The following ANK2 variants were observed in gnomAD, a reference collection of about 807,000 sequenced individuals.
ANK2 encodes ankyrin-2.
Under a neutral mutation model 360.5 loss-of-function variants are expected in ANK2, and 83 were observed. The ratio of observed to expected loss-of-function variants is 0.23; its 90% CI spans 0.19 to 0.28. The LOEUF (loss-of-function observed/expected upper bound fraction) is 0.28, where lower values mean the gene tolerates loss of function less well. Among genes scored for constraint, ANK2 ranks in the 10% least tolerant of loss-of-function variants. The pLI is 1.00. For synonymous variants in ANK2, 1,740 were observed against 1,759.5 expected (o/e 0.99, Z 0.28); for missense variants, 4,201 against 4,795.7 (o/e 0.88, Z 3.66).
At chr4:112,732,675 A>G in the ANK2 span, among the ~76,000 whole-genome samples, 4 of 152,198 alleles carry the variant, frequency 2.6e-5, no homozygotes, top group African/African-American at 7.2e-5. Context: ...CTAGCCTCAC[A>G]ATTGAGTGTT....
intron 2 of ANK2, among the ~76,000 whole-genome samples, chr4:113,192,926 A>ATTTT (rs755752642): frequency 7.3e-6 from 1 of 137,756 alleles, no homozygotes; most frequent in African/African-American, 2.5e-5. Context: ...GCATTATTTA[A>ATTTT]AAAAAAAAAA....
intron 2 of ANK2, among the ~76,000 whole-genome samples, chr4:113,183,131 A>G (rs2098449981): frequency 6.6e-6 from 1 of 151,788 alleles, no homozygotes; most frequent in Non-Finnish European, 1.5e-5. Flanking sequence ...CCGTGCTGGG[A>G]GCTGGTTGTG....
chr4:113,168,093 A>C (rs547102421), intron 1 of ANK2, among the ~76,000 whole-genome samples: 2 of 152,112 alleles, frequency 1.3e-5, no homozygotes, highest in African/African-American at 2.4e-5. Flanking sequence ...GGTGGTTCTT[A>C]TTTTTCATGG....
At chr4:112,761,134 C>G in the ANK2 span, among the ~76,000 whole-genome samples, 2 of 151,848 alleles carry the variant, frequency 1.3e-5, no homozygotes, top group Non-Finnish European at 2.9e-5. Context: ...AAAGTAAACA[C>G]GTGCATTTTT....
the ANK2 span, among the ~76,000 whole-genome samples, chr4:112,795,470 A>T: frequency 1.6e-4 from 25 of 151,992 alleles, no homozygotes; most frequent in Admixed American, 1.6e-3. Flanking sequence ...AAATGTCAAG[A>T]TCCAGGTACA....
chr4:113,047,471 G>A (rs531199136), upstream of ANK2, among the ~76,000 whole-genome samples: 21 of 152,232 alleles, frequency 1.4e-4, no homozygotes, highest in East Asian at 1.9e-3. Flanking sequence ...AATATTTATC[G>A]AGTAACTGAA....
chr4:112,767,786 AC>A, the ANK2 span, among the ~76,000 whole-genome samples: 1 of 135,406 alleles, frequency 7.4e-6, no homozygotes, highest in East Asian at 2.3e-4. Context: ...TTTAGCAGAT[AC>A]CAAGAGAAAC....
At chr4:112,727,977 C>G in the ANK2 span, among the ~76,000 whole-genome samples, 1 of 150,012 alleles carries the variant, frequency 6.7e-6, no homozygotes, top group African/African-American at 2.5e-5. Flanking sequence ...AACTCTGTCT[C>G]AAAAGAAAAC....
At chr4:113,266,427 T>C (rs1406051737) in intron 14 of ANK2, among the ~76,000 whole-genome samples, 1 of 152,258 alleles carries the variant, frequency 6.6e-6, no homozygotes, top group Non-Finnish European at 1.5e-5. Flanking sequence ...TGTGTGCATG[T>C]GTCTTTATAG....
intron 41 of ANK2, among the ~76,000 whole-genome samples, chr4:113,365,975 A>C (rs754584996): frequency 4.5e-4 from 68 of 152,188 alleles, no homozygotes; most frequent in Admixed American, 8.5e-4. Flanking sequence ...TTACTCAATC[A>C]GGGACTCCAT....
At chr4:113,380,525 G>T (rs1441482174) in intron 45 of ANK2, among the ~76,000 whole-genome samples, 2 of 152,136 alleles carry the variant, frequency 1.3e-5, no homozygotes, top group Non-Finnish European at 2.9e-5. Flanking sequence ...AGCTGGGTGT[G>T]GTGGCACACA....
chr4:113,273,463 T>A (rs1305943307), intron 14 of ANK2, among the ~76,000 whole-genome samples: 1 of 152,170 alleles, frequency 6.6e-6, no homozygotes, highest in Non-Finnish European at 1.5e-5. Context: ...TTCCTATAGC[T>A]CCTCTTCTTT....
chr4:113,016,069 G>T (rs940020773), intron 2 of ANK2, among the ~76,000 whole-genome samples: 1 of 151,510 alleles, frequency 6.6e-6, no homozygotes, highest in Non-Finnish European at 1.5e-5. Context: ...CTGTCACTCA[G>T]GCAGGAGTTC....
chr4:113,077,233 C>T (rs995508420), intron 1 of ANK2, among the ~76,000 whole-genome samples: 1 of 151,818 alleles, frequency 6.6e-6, no homozygotes, highest in East Asian at 1.9e-4. Flanking sequence ...CTCATCATAT[C>T]ATGTTAAGAG....
At chr4:113,151,513 C>T (rs1445939331) in intron 1 of ANK2, among the ~76,000 whole-genome samples, 1 of 152,080 alleles carries the variant, frequency 6.6e-6, no homozygotes, top group African/African-American at 2.4e-5. Context: ...CAAAAACTCA[C>T]TCCTTATCAC....
At chr4:112,710,929 A>G in the ANK2 span, among the ~76,000 whole-genome samples, 1 of 131,048 alleles carries the variant, frequency 7.6e-6, no homozygotes, top group Non-Finnish European at 1.6e-5. Flanking sequence ...ATATATGTAT[A>G]TATGATTACA....
At chr4:113,120,510 C>T (rs1355119702) in intron 1 of ANK2, among the ~76,000 whole-genome samples, 7 of 152,034 alleles carry the variant, frequency 4.6e-5, no homozygotes, top group Non-Finnish European at 8.8e-5. Context: ...CCCAACTGTA[C>T]GTTTTTTAAA....
chr4:113,108,131 G>C (rs370414562), intron 1 of ANK2, among the ~76,000 whole-genome samples: 153 of 152,188 alleles, frequency 1.0e-3, no homozygotes, highest in South Asian at 8.1e-3. Flanking sequence ...TTGGGGTTTA[G>C]CTTTGTGTTT....
intron 1 of ANK2, among the ~76,000 whole-genome samples, chr4:113,135,454 G>A (rs1441512077): frequency 6.6e-6 from 1 of 151,868 alleles, no homozygotes; most frequent in Non-Finnish European, 1.5e-5. Flanking sequence ...TGGAATGAAA[G>A]GAGCTTTTCA....
Sources: gnomAD v4.1 joint callset for allele counts (sites outside exome capture counted in the v4.1 genomes callset) on GRCh38, gnomAD v4.1.1 for gene constraint, MANE v1.5 for transcripts, NCBI Gene and HGNC (gene_info 2026-07-23, HGNC 2026-07-21) for gene names.